Variants in MTOR observed in about 807,000 individuals in gnomAD.
MTOR encodes mechanistic target of rapamycin kinase.
A neutral mutation model predicts 319.8 loss-of-function variants in MTOR; 70 were observed. The observed-to-expected ratio is 0.22, with a 90% CI of 0.18 to 0.27. The LOEUF is 0.27. MTOR is among the 10% of genes least tolerant of loss of function. MTOR has a pLI of 1.00. For synonymous variants in MTOR, 1,183 were observed against 1,211.4 expected (o/e 0.98, Z 0.49); for missense variants, 1,890 against 3,274.4 (o/e 0.58, Z 10.32).
intron 29 of MTOR, among the ~76,000 whole-genome samples, chr1:11,160,075 CATTTATTTATTTATTT>C (rs70977549): frequency 1.4e-5 from 2 of 143,420 alleles, no homozygotes; most frequent in South Asian, 2.3e-4. Flanking sequence ...TCAATTATAG[CATTTATTTATTTATTT>C]ATTTATTTAT....
intron 49 of MTOR, among the ~76,000 whole-genome samples, chr1:11,119,249 A>G (rs990050174): frequency 1.3e-5 from 2 of 151,434 alleles, no homozygotes; most frequent in Admixed American, 6.6e-5. Flanking sequence ...TGGCCAACAC[A>G]GTGAAACCCT....
At position 11,127,620 on chromosome 1, in the gene MTOR, A is replaced by AT. The variant is rs1642908805; in HGVS notation, c.6216+3dup. 3.7e-6 allele frequency: 6 copies of AT among 1,610,302 alleles called. No homozygotes were observed. On this transcript the variant is annotated splice_donor_region_variant and intron_variant, in intron 44 of 57. Transcript: ENST00000361445. This position sits in a 1 kb window ranked among gnomAD's most constrained non-coding sequence, Gnocchi z 5.5. ...TATGTCCTTTCGTGTTTTTTACCCC[A>AT]TACCTGATTAAAGGATGTTTCCTTC...
intron 19 of MTOR, among the ~76,000 whole-genome samples, chr1:11,218,993 G>A (rs190920306): frequency 7.5e-4 from 113 of 151,422 alleles, no homozygotes; most frequent in Non-Finnish European, 1.4e-3. Context: ...AGATCACCCC[G>A]AGCTCAGAAG....
rs1342870852 is a variant in MTOR, at chr1:11,109,694, G to T, written c.7402C>A (p.His2468Asn). Residue 2468 changes from histidine to asparagine, a missense_variant, in exon 55 of 58, where the codon CAT becomes AAT. Around this residue, in one of 15 missense-constraint regions of MTOR, gnomAD observed 49 missense variants for 67.6 expected, o/e 0.72. Transcript: ENST00000361445. The surrounding 1 kb of genome is among the most constrained non-coding windows in gnomAD (Gnocchi z 4.0). ...LDGVELGEPA[H>N]KKTGTTVPES... ...GGCACTGTGGTCCCCGTTTTCTTAT[G>T]GGCTGGCTCTCCAAGTTCCACACCG... 1 of 1,614,078 alleles carries T rather than the reference G, an allele frequency of 6.2e-7. No homozygotes were observed. Among genetic ancestry groups the T allele is most frequent in the Non-Finnish European group, 8.5e-7 (1 of 1,179,990 alleles).
At position 11,253,906 on chromosome 1, in the gene MTOR, T is replaced by C. The variant is rs1039496779; in HGVS notation, c.773A>G (p.Asp258Gly). The change falls in exon 6 of 58, where the codon GAT becomes GGT. Residue 258 changes from aspartate (D) to glycine (G), a missense_variant. Transcript: ENST00000361445. ...CAACAAGGCTCCATGGATCCGATCATCCCGATTCATGCCCTTCTCTTTGGC... is the reference window on the plus strand; with the variant it reads ...CAACAAGGCTCCATGGATCCGATCACCCCGATTCATGCCCTTCTCTTTGGC... ...TLAKEKGMNR[D>G]DRIHGALLIL... 1 of 1,614,112 alleles carries C rather than the reference T, an allele frequency of 6.2e-7. No individual in the cohort carries two copies.
At chr1:11,216,548 A>G (rs1557433913) in intron 19 of MTOR, among the ~76,000 whole-genome samples, 1 of 151,898 alleles carries the variant, frequency 6.6e-6, no homozygotes, top group East Asian at 1.9e-4. Context: ...ACTGGATGCT[A>G]AGGTGGGAGA....
chr1:11,193,707 TC>T (rs1645653003), intron 28 of MTOR: 3 of 1,613,936 alleles, frequency 1.9e-6, no homozygotes, highest in African/African-American at 1.3e-5. Flanking sequence ...CGTGGGGACT[TC>T]TGGCTGGGGA....
intron 50 of MTOR, among the ~76,000 whole-genome samples, chr1:11,116,450 G>A (rs1319794818): frequency 6.6e-6 from 1 of 151,970 alleles, no homozygotes; most frequent in Non-Finnish European, 1.5e-5. Context: ...AAAGAGCTGG[G>A]ACTACAGGTG....
rs1648316310 is a variant in MTOR at position 11,243,153 on chromosome 1, A to C, written c.1373T>G (p.Ile458Ser). 1.2e-6 allele frequency: 2 copies of C among 1,614,200 alleles called. No homozygotes were observed. The highest frequency in any genetic ancestry group is 1.7e-6 in the Non-Finnish European group (2 of 1,180,048). The change falls in exon 9 of 58, where the codon ATC (isoleucine) becomes AGC (serine). Residue 458 changes from isoleucine to serine, a missense_variant. By Grantham distance (142) the Ile-to-Ser change is moderately radical (BLOSUM62 -2). Coordinates refer to ENST00000361445, the MANE Select transcript of MTOR (RefSeq NM_004958.4). ...CTTTGGGGGCAGGGCCGCTCGGATGATGTCCAGCACGCGAGGCAAATAGAC... is the reference window on the plus strand; with the variant it reads ...CTTTGGGGGCAGGGCCGCTCGGATGCTGTCCAGCACGCGAGGCAAATAGAC... The part of the protein sequence containing the change: ...FKVYLPRVLD[I>S]IRAALPPKDF...
intron 31 of MTOR, among the ~76,000 whole-genome samples, chr1:11,147,059 A>G (rs934363023): frequency 6.6e-6 from 1 of 152,178 alleles, no homozygotes; most frequent in African/African-American, 2.4e-5. Context: ...GAAGTGCATG[A>G]GTGTGAAGTC....
intron 19 of MTOR, among the ~76,000 whole-genome samples, chr1:11,222,488 C>T (rs1646700897): frequency 2.0e-5 from 3 of 152,086 alleles, no homozygotes; most frequent in Admixed American, 6.5e-5. Flanking sequence ...TGGGCCACTG[C>T]GCCCAGCCTA....
intron 23 of MTOR, 61 bp from the exon 24 acceptor site, chr1:11,210,967 G>A: frequency 9.8e-7 from 1 of 1,021,200 alleles, no homozygotes; most frequent in Non-Finnish European, 1.5e-6. Context: ...AAAAAGTAGA[G>A]GAAAAAATAT....
In MTOR at chr1:11,241,169, G is replaced by C. The variant is rs919636635; in HGVS notation, c.1541+384C>G. On this transcript the variant is annotated intron_variant, in intron 10 of 57. Transcript: ENST00000361445. The stretch of plus-strand genomic sequence containing the variant: ...ACCCCAACTCTACTAAAAATACAAA[G>C]AATTAGCCAGGCGTGGTGGCAGGCG... Among the ~76,000 whole-genome samples the C allele has an allele frequency of 3.3e-5, 5 of 151,362 alleles. No individual in the cohort carries two copies. The South Asian group carries it at 1.0e-3, about 32-fold the overall frequency.
At chr1:11,234,090 T>TA in intron 14 of MTOR, 53 bp downstream of exon 14, 1 of 1,612,664 alleles carries the variant, frequency 6.2e-7, no homozygotes, top group Non-Finnish European at 8.5e-7. Context: ...CATCTCCCCA[T>TA]ATGAGCTGAT....
chr1:11,120,176 A>C (rs1642438052), intron 49 of MTOR, among the ~76,000 whole-genome samples: 1 of 152,032 alleles, frequency 6.6e-6, no homozygotes. Flanking sequence ...TCCTGGATTC[A>C]AATGATCCTT....
At chr1:11,204,264 G>A (rs574982006) in intron 26 of MTOR, among the ~76,000 whole-genome samples, 2 of 152,174 alleles carry the variant, frequency 1.3e-5, no homozygotes, top group Admixed American at 1.3e-4. Context: ...GAATACCATT[G>A]TTATTGGAAA....
intron 31 of MTOR, among the ~76,000 whole-genome samples, chr1:11,148,736 C>T (rs1239606185): frequency 2.0e-5 from 3 of 151,962 alleles, no homozygotes; most frequent in African/African-American, 7.3e-5. Flanking sequence ...CCCGTCTCTA[C>T]TAAAAATAGA....
intron 46 of MTOR, 22 bp from the exon 47 acceptor site, chr1:11,124,655 G>A (rs1467763838): frequency 6.3e-7 from 1 of 1,599,810 alleles, no homozygotes; most frequent in Admixed American, 1.7e-5. Flanking sequence ...AGTGGGAGCG[G>A]TGAGTGTACA....
chr1:11,234,391 T>TA, intron 13 of MTOR, 126 bp from the exon 14 acceptor site: 7 of 1,077,974 alleles, frequency 6.5e-6, no homozygotes, highest in Non-Finnish European at 9.4e-6. Flanking sequence ...ATGAAGTAGC[T>TA]GCTAGATACT....
Sources: allele counts gnomAD v4.1 joint callset (sites outside exome capture counted in the v4.1 genomes callset), GRCh38; gene constraint gnomAD v4.1.1; regional missense constraint gnomAD v4.1.1; non-coding constraint Gnocchi (gnomAD v3.1); transcripts MANE v1.5; gene names NCBI Gene and HGNC (gene_info 2026-07-23, HGNC 2026-07-21).